MANBA: variants seen among roughly 807,000 people sequenced by gnomAD.
The protein encoded by MANBA is beta-mannosidase.
Under a neutral mutation model 111.1 loss-of-function variants are expected in MANBA, and 83 were observed. That is an observed-to-expected ratio of 0.75 (90% CI 0.63 to 0.90). The LOEUF (loss-of-function observed/expected upper bound fraction) is 0.90, where lower values mean the gene tolerates loss of function less well. MANBA is among the 40% of genes least tolerant of loss of function. MANBA has a pLI of 0.00. For synonymous variants in MANBA, 370 were observed against 378.7 expected, an observed-to-expected ratio of 0.98 and a Z score of 0.27; for missense variants, 1,036 against 1,069.0, an observed-to-expected ratio of 0.97 and a Z score of 0.43.
chr4:102,729,453 C>A, intron 1 of MANBA: 5 of 1,285,570 alleles, frequency 3.9e-6, no homozygotes, highest in Non-Finnish European at 4.5e-6. Context: ...CAGATGTGTC[C>A]GAGATCTGGG....
chr4:102,696,553 G>A (rs147940534), intron 5 of MANBA, among the ~76,000 whole-genome samples: 3 of 152,176 alleles, frequency 2.0e-5, no homozygotes, highest in Non-Finnish European at 4.4e-5. Context: ...TAAGAATACA[G>A]GATGGCATCA....
At chr4:102,648,717 G>T (rs929037216) in intron 13 of MANBA, among the ~76,000 whole-genome samples, 7 of 152,158 alleles carry the variant, frequency 4.6e-5, no homozygotes, top group African/African-American at 1.7e-4. Flanking sequence ...TGAATTTTAT[G>T]ATATGTCCAT....
chr4:102,722,925 TG>T lies in MANBA; in HGVS notation c.494del (p.Pro165GlnfsTer51), dbSNP rs1257418159. ...CCTTCTGCACAAGTGGAGGGCAGTC[TG>T]GGGGAACCTGGTAGCGAGTGTGAGC... ...SKAHTRYQVP[P>X]DCPPLVQKGE... On this transcript the variant is annotated frameshift_variant, in exon 4 of 17. Transcript: ENST00000647097. LOFTEE classifies it high-confidence loss of function. 2 of 1,614,178 alleles carry T rather than the reference TG, an allele frequency of 1.2e-6. No homozygotes were observed. The highest frequency in any genetic ancestry group is 1.7e-5 in the Admixed American group (1 of 60,024).
intron 11 of MANBA, among the ~76,000 whole-genome samples, chr4:102,664,201 C>T (rs1731097797): frequency 6.6e-6 from 1 of 152,156 alleles, no homozygotes; most frequent in Non-Finnish European, 1.5e-5. Flanking sequence ...AGTTAATCCT[C>T]CAAAAAGTCC....
At chr4:102,730,534 T>G (rs377058179) in intron 1 of MANBA, 8 of 531,532 alleles carry the variant, frequency 1.5e-5, no homozygotes, top group Middle Eastern at 6.5e-4. Flanking sequence ...TTATAGATTT[T>G]TCTATGAGAA....
At position 102,671,344 on chromosome 4, in the gene MANBA, A is replaced by C. The variant is rs762550643; in HGVS notation, c.1167T>G (p.Val389=). 6.2e-7 allele frequency: 1 copy of C among 1,609,744 alleles called. No homozygotes were observed. Among genetic ancestry groups the C allele is most frequent in the Admixed American group, 1.7e-5 (1 of 60,010 alleles). Residue 389 remains valine (V), a synonymous_variant, in exon 9 of 17, where the codon GTT becomes GTG. Coordinates refer to ENST00000647097, the MANE Select transcript of MANBA (RefSeq NM_005908.4). ...CCTGCTCATAAATTCCTCCTCCCCA[A>C]ACCCGAAGAGTATTCATATTAGCAT... is the stretch of plus-strand genomic sequence containing the variant. ...VVDANMNTLR[V]WGGGIYEQDE...
intron 1 of MANBA, chr4:102,752,002 A>G: frequency 4.1e-6 from 3 of 736,612 alleles, no homozygotes; most frequent in East Asian, 2.6e-5. Context: ...TAGCTCAGGA[A>G]CTAAATTTTG....
At chr4:102,727,628 T>C (rs773787531) in intron 1 of MANBA, 37 of 1,538,890 alleles carry the variant, frequency 2.4e-5, no homozygotes, top group Non-Finnish European at 3.2e-5. Context: ...CCCATGTTGT[T>C]GTATTCCCAT....
intron 4 of MANBA, among the ~76,000 whole-genome samples, chr4:102,721,773 A>G (rs1722584374): frequency 6.6e-6 from 1 of 152,142 alleles, no homozygotes; most frequent in Admixed American, 6.5e-5. Flanking sequence ...CACACCTGTA[A>G]TCCCGGCACT....
At chr4:102,699,163 G>C (rs1002202169) in intron 5 of MANBA, among the ~76,000 whole-genome samples, 3 of 152,072 alleles carry the variant, frequency 2.0e-5, no homozygotes, top group Admixed American at 6.6e-5. Context: ...CTGTTTGTCT[G>C]TTATTGGTGT....
rs1054037 is a variant in MANBA at position 102,631,552 on chromosome 4, C to T, written c.*505G>A. 209,786 of 398,924 alleles carry T rather than the reference C, an allele frequency of 0.53. 56,163 individuals are homozygous for T. Among genetic ancestry groups the T allele is most frequent in the Admixed American group, 0.63 (14,651 of 23,142 alleles). The allele number at this position is 398,924 out of a possible 1,614,324, so 24.7% of individuals were successfully genotyped here. ...ATAATTTCACATGTACAGAAAAATA[C>T]CCATATACCTTTACCCAAATAGCTA... On this transcript the variant is annotated 3_prime_UTR_variant, in exon 17 of 17. Transcript: ENST00000647097.
At chr4:102,661,015 T>C (rs1730916753) in intron 11 of MANBA, among the ~76,000 whole-genome samples, 2 of 152,224 alleles carry the variant, frequency 1.3e-5, no homozygotes, top group Admixed American at 6.5e-5. Context: ...AGTCCCTCTA[T>C]GACCTGCTTC....
intron 1 of MANBA, among the ~76,000 whole-genome samples, chr4:102,740,779 T>C (rs1385054846): frequency 1.3e-5 from 2 of 152,108 alleles, no homozygotes; most frequent in African/African-American, 4.8e-5. Flanking sequence ...ATCTCTCACC[T>C]TATATAAATA....
chr4:102,748,477 T>C (rs1193131066), intron 1 of MANBA, among the ~76,000 whole-genome samples: 1 of 152,204 alleles, frequency 6.6e-6, no homozygotes. Context: ...AAAATACATG[T>C]ATCTATATAT....
intron 1 of MANBA, among the ~76,000 whole-genome samples, chr4:102,731,205 G>A (rs1344340223): frequency 1.3e-5 from 2 of 151,926 alleles, no homozygotes; most frequent in Non-Finnish European, 2.9e-5. Context: ...AAAAAGATTG[G>A]CTTCCCCTTT....
chr4:102,650,621 C>A lies in MANBA; in HGVS notation c.1785G>T (p.Met595Ile). 6.2e-7 allele frequency: 1 copy of A among 1,613,394 alleles called. No individual in the cohort carries two copies. The highest frequency in any genetic ancestry group is 1.7e-4 in the Middle Eastern group (1 of 6,058). The change falls in exon 13 of 17, where the codon ATG (methionine) becomes ATT (isoleucine). Residue 595 changes from methionine to isoleucine, a missense_variant. By Grantham distance (10) the Met-to-Ile change is conservative (BLOSUM62 1). Coordinates refer to ENST00000647097, the MANE Select transcript of MANBA (RefSeq NM_005908.4). ...RQHHEGGNKQ[M>I]LYQAGLHFKL... ...TGAAATGAAGTCCAGCCTGATAAAG[C>A]ATTTGTTTGTTACCACCTTCGTGAT...
chr4:102,686,505 C>A (rs1331090740), intron 7 of MANBA, among the ~76,000 whole-genome samples: 5 of 152,152 alleles, frequency 3.3e-5, no homozygotes, highest in African/African-American at 1.2e-4. Flanking sequence ...CTATATTCAC[C>A]GTCTTTACTT....
intron 1 of MANBA, among the ~76,000 whole-genome samples, chr4:102,736,536 G>T (rs751821608): frequency 6.6e-6 from 1 of 152,238 alleles, no homozygotes; most frequent in Admixed American, 6.5e-5. Flanking sequence ...CAATTACTTC[G>T]AATAGAATTA....
At chr4:102,727,875 G>A (rs1722870373) in intron 1 of MANBA, 1 of 560,050 alleles carries the variant, frequency 1.8e-6, no homozygotes, top group Non-Finnish European at 3.3e-6. Flanking sequence ...AAAGCCCCTT[G>A]TGAAGGGGCA....
Sources: gnomAD v4.1 joint callset for allele counts (sites outside exome capture counted in the v4.1 genomes callset) on GRCh38, gnomAD v4.1.1 for gene constraint, MANE v1.5 for transcripts, NCBI Gene and HGNC (gene_info 2026-07-23, HGNC 2026-07-21) for gene names.